The following KIF26B variants were observed in gnomAD, a reference collection of about 807,000 sequenced individuals.
The protein encoded by KIF26B is kinesin family member 26B.
In KIF26B, 63 loss-of-function variants were observed where a neutral mutation model predicts 151.2. That is an observed-to-expected ratio of 0.42 (90% CI 0.34 to 0.51). KIF26B has a LOEUF of 0.51. KIF26B is among the 20% of genes least tolerant of loss of function. The pLI, the probability that KIF26B is intolerant of heterozygous loss-of-function variation, is 0.07. For synonymous variants in KIF26B, 1,357 were observed against 1,262.1 expected (o/e 1.08, Z -1.59); for missense variants, 2,813 against 2,913.6 (o/e 0.97, Z 0.79).
At chr1:245,683,735 A>G (rs541760891) in intron 10 of KIF26B, among the ~76,000 whole-genome samples, 1 of 152,306 alleles carries the variant, frequency 6.6e-6, no homozygotes, top group East Asian at 1.9e-4. Flanking sequence ...AAGTAGCCGC[A>G]GTTTCCTGGC....
intron 10 of KIF26B, among the ~76,000 whole-genome samples, chr1:245,656,403 A>G (rs144620685): frequency 2.8e-4 from 42 of 152,338 alleles, no homozygotes; most frequent in African/African-American, 1.0e-3. Flanking sequence ...CTGCTTTGAT[A>G]TAGAGATGAT....
Position 245,167,737 on chromosome 1 carries a change from G to A in KIF26B, c.465+11054G>A, listed in dbSNP as rs1668637961. 6.6e-6 allele frequency among the ~76,000 whole-genome samples: 1 copy of A among 152,164 alleles called. No homozygotes were observed. Among genetic ancestry groups the A allele is most frequent in the Admixed American group, 6.5e-5 (1 of 15,282 alleles). The stretch of plus-strand genomic sequence containing the variant: ...CAGGGAGTCTCAGTCCTAAGCAGGT[G>A]GCAGAGTGTCTTCCCCATGGTACCA... On this transcript the variant is annotated intron_variant, in intron 2 of 14. Coordinates refer to ENST00000407071, the MANE Select transcript of KIF26B (RefSeq NM_018012.4). The surrounding 1 kb of genome is among the most constrained non-coding windows in gnomAD (Gnocchi z 4.2).
chr1:245,230,986 C>CAA (rs550436203), intron 2 of KIF26B, among the ~76,000 whole-genome samples: 2,017 of 148,420 alleles, frequency 0.014, 21 homozygotes, highest in African/African-American at 0.025. Flanking sequence ...AGGAAAAAGA[C>CAA]AAAAAAAAAT....
At chr1:245,450,098 G>T (rs756367603) in intron 4 of KIF26B, among the ~76,000 whole-genome samples, 18 of 152,186 alleles carry the variant, frequency 1.2e-4, no homozygotes, top group Admixed American at 8.5e-4. Context: ...TATCTGGGTG[G>T]AATGTGGTAC....
chr1:245,495,634 T>C lies in KIF26B; in HGVS notation c.1167-45133T>C, dbSNP rs1179019464. 6.6e-6 allele frequency among the ~76,000 whole-genome samples: 1 copy of C among 152,204 alleles called. No homozygotes were observed. The highest frequency in any genetic ancestry group is 1.5e-5 in the Non-Finnish European group (1 of 68,036). ...TGGTCTATAGTTTGGTATCCATTAA[T>C]GAACCTCTCCCCATCCACCTCTCCT... On this transcript the variant is annotated intron_variant, in intron 4 of 14. Coordinates refer to ENST00000407071, the MANE Select transcript of KIF26B (RefSeq NM_018012.4). This position sits in a 1 kb window ranked among gnomAD's most constrained non-coding sequence, Gnocchi z 4.2.
intron 4 of KIF26B, among the ~76,000 whole-genome samples, chr1:245,431,409 A>G (rs957558837): frequency 2.0e-5 from 3 of 150,156 alleles, no homozygotes; most frequent in Non-Finnish European, 4.4e-5. Flanking sequence ...CAGTGGTGCG[A>G]TCTCGGCTCA....
intron 3 of KIF26B, among the ~76,000 whole-genome samples, chr1:245,387,173 TTG>T (rs1374302278): frequency 2.1e-5 from 3 of 144,526 alleles, no homozygotes; most frequent in Admixed American, 6.8e-5. Context: ...TTTTTGTTTT[TTG>T]TTTTTTGAGA....
At chr1:245,621,763 C>G (rs1320802271) in intron 9 of KIF26B, among the ~76,000 whole-genome samples, 1 of 152,252 alleles carries the variant, frequency 6.6e-6, no homozygotes, top group African/African-American at 2.4e-5. Context: ...TGCTGACTCA[C>G]CTTGTACTAT....
At chr1:245,538,999 A>C (rs1661543969) in intron 4 of KIF26B, among the ~76,000 whole-genome samples, 1 of 152,050 alleles carries the variant, frequency 6.6e-6, no homozygotes, top group Non-Finnish European at 1.5e-5. Context: ...AAGGGTAGCA[A>C]TGAGATGAAA....
intron 2 of KIF26B, among the ~76,000 whole-genome samples, chr1:245,268,688 T>C (rs1031173715): frequency 6.6e-6 from 1 of 152,052 alleles, no homozygotes; most frequent in Non-Finnish European, 1.5e-5. Flanking sequence ...ACCTGACATT[T>C]GAACCAGTCC....
intron 2 of KIF26B, among the ~76,000 whole-genome samples, chr1:245,159,981 A>G (rs1668506415): frequency 6.6e-6 from 1 of 152,220 alleles, no homozygotes; most frequent in Non-Finnish European, 1.5e-5. Context: ...GGGAAGGATG[A>G]TCATGAGTTT....
chr1:245,680,657 G>A (rs574334605), intron 10 of KIF26B, among the ~76,000 whole-genome samples: 17 of 152,168 alleles, frequency 1.1e-4, no homozygotes, highest in African/African-American at 1.4e-4. Context: ...TTAACAAGAC[G>A]ACGGGGAACT....
At position 245,611,928 on chromosome 1, in the gene KIF26B, A is replaced by G. The variant is rs1406612916; in HGVS notation, c.2050A>G (p.Thr684Ala). The G allele has an allele frequency of 2.5e-6, 4 of 1,613,838 alleles. No individual in the cohort carries two copies. The highest frequency in any genetic ancestry group is 3.4e-6 in the Non-Finnish European group (4 of 1,179,880). ...DDHRNSHVFF[T>A]LHIYQYRMEK... ...CCACCGCAACTCACACGTGTTCTTC[A>G]CACTGCACATCTACCAGTACCGGAT... Residue 684 changes from threonine to alanine, a missense_variant, in exon 9 of 15, where the codon ACA becomes GCA. Thr to Ala is a moderately conservative substitution (Grantham distance 58). This residue lies in a region of KIF26B where 2,060 missense variants were observed against 2,088.6 expected (regional missense o/e 0.99). Coordinates refer to ENST00000407071, the MANE Select transcript of KIF26B (RefSeq NM_018012.4).
At chr1:245,429,254 G>A (rs777363225) in intron 4 of KIF26B, among the ~76,000 whole-genome samples, 4 of 152,210 alleles carry the variant, frequency 2.6e-5, no homozygotes, top group Non-Finnish European at 5.9e-5. Flanking sequence ...CTATAAAAAG[G>A]ATGGAGTTCT....
Position 245,161,501 on chromosome 1 carries a change from G to C in KIF26B, c.465+4818G>C, listed in dbSNP as rs138283118. On this transcript the variant is annotated intron_variant, in intron 2 of 14. Coordinates refer to ENST00000407071, the MANE Select transcript of KIF26B (RefSeq NM_018012.4). ...GTCAATTAAAATGGAGGCAACATCA[G>C]TTGCCATTTGTTATTTGGCATTATA... Among the ~76,000 whole-genome samples, 703 of 152,304 alleles carry C rather than the reference G, an allele frequency of 4.6e-3. 4 individuals carry two copies. Among genetic ancestry groups the C allele is most frequent in the African/African-American group, 0.016 (650 of 41,554 alleles).
At chr1:245,532,301 A>G (rs541922700) in intron 4 of KIF26B, among the ~76,000 whole-genome samples, 5 of 138,392 alleles carry the variant, frequency 3.6e-5, no homozygotes, top group African/African-American at 8.2e-5. Context: ...GCTGGAGTGC[A>G]GTGGCGCGAT....
intron 2 of KIF26B, among the ~76,000 whole-genome samples, chr1:245,234,962 G>A (rs1159738219): frequency 2.0e-5 from 3 of 152,078 alleles, no homozygotes; most frequent in Non-Finnish European, 2.9e-5. Context: ...TCCTGCCCCT[G>A]TGTCTTTCAG....
At chr1:245,291,347 G>A (rs557141221) in intron 2 of KIF26B, among the ~76,000 whole-genome samples, 1 of 152,318 alleles carries the variant, frequency 6.6e-6, no homozygotes, top group South Asian at 2.1e-4. Context: ...TAAAGCACTT[G>A]ACTACTTTGA....
chr1:245,335,429 C>T lies in KIF26B; in HGVS notation c.466-31405C>T, dbSNP rs149828368. On this transcript the variant is annotated intron_variant, in intron 2 of 14. Transcript: ENST00000407071. ...CATGACAGACCAGGAGGTTGGTTTT[C>T]TTAGCCTGAGAATCTGCATCATCTG... 2.7e-4 allele frequency among the ~76,000 whole-genome samples: 41 copies of T among 152,286 alleles called. No individual in the cohort carries two copies. The Middle Eastern group carries it at 0.01, about 38-fold the overall frequency.
Sources: allele counts gnomAD v4.1 joint callset (sites outside exome capture counted in the v4.1 genomes callset), GRCh38; gene constraint gnomAD v4.1.1; regional missense constraint gnomAD v4.1.1; non-coding constraint Gnocchi (gnomAD v3.1); transcripts MANE v1.5; gene names NCBI Gene and HGNC (gene_info 2026-07-23, HGNC 2026-07-21).